Variants in NEURL1B observed in about 807,000 individuals in gnomAD.
NEURL1B encodes neuralized E3 ubiquitin protein ligase 1B.
NEURL1B carries 13 observed loss-of-function variants against 37.4 expected under a neutral mutation model. The observed-to-expected ratio is 0.35, with a 90% CI of 0.23 to 0.55. The LOEUF is 0.55. Among genes scored for constraint, NEURL1B ranks in the 20% least tolerant of loss-of-function variants. The probability of loss-of-function intolerance (pLI) is 0.89; values close to 1 mark genes in which losing one functional copy is unlikely to be tolerated. For missense variants in NEURL1B, 790 were observed against 879.2 expected (o/e 0.90, Z 1.28); for synonymous variants, 432 against 426.6 (o/e 1.01, Z -0.16).
chr5:172,646,775 C>T (rs972017936), intron 1 of NEURL1B, among the ~76,000 whole-genome samples: 3 of 151,600 alleles, frequency 2.0e-5, no homozygotes, highest in Admixed American at 6.6e-5. Context: ...TAGCTGAGCC[C>T]GTAAAGAAGA....
intron 2 of NEURL1B, among the ~76,000 whole-genome samples, chr5:172,680,421 G>GC (rs989291796): frequency 2.6e-5 from 4 of 152,086 alleles, no homozygotes; most frequent in South Asian, 2.1e-4. Flanking sequence ...AGAGTTGGCG[G>GC]GGGGGAAGGA....
intron 1 of NEURL1B, among the ~76,000 whole-genome samples, chr5:172,667,888 C>T (rs1322571311): frequency 7.9e-6 from 1 of 125,818 alleles, no homozygotes; most frequent in East Asian, 2.6e-4. Context: ...CCGCTTCCCT[C>T]CTTGCTCCCA....
In NEURL1B at chr5:172,669,766, T is replaced by C; in HGVS notation, c.32-19T>C. On this transcript the variant is annotated intron_variant, in intron 1 of 4. Transcript: ENST00000369800. ...GAGTTCGGAGGAGGCCTAACCGTGC[T>C]GCCTGTGTCTTTCCGCAGACCCGAG... 4 of 1,248,686 alleles carry C rather than the reference T, an allele frequency of 3.2e-6. No individual in the cohort carries two copies. The highest frequency in any genetic ancestry group is 4.1e-6 in the Non-Finnish European group (4 of 987,188). 77.4% of individuals were successfully genotyped at this position (1,248,686 alleles called of 1,614,324 possible). A position where few individuals can be genotyped will look rare whatever the true frequency, so the allele number is the denominator to read the frequency against.
At position 172,670,191 on chromosome 5, in the gene NEURL1B, C is replaced by T; in HGVS notation, c.438C>T (p.Tyr146=). 2 of 1,468,246 alleles carry T rather than the reference C, an allele frequency of 1.4e-6. No homozygotes were observed. Among genetic ancestry groups the T allele is most frequent in the Non-Finnish European group, 1.8e-6 (2 of 1,113,590 alleles). 91.0% of individuals were successfully genotyped at this position (1,468,246 alleles called of 1,614,324 possible). A position where few individuals can be genotyped will look rare whatever the true frequency, so the allele number is the denominator to read the frequency against. The change falls in exon 2 of 5, where the codon TAC becomes TAT. Residue 146 remains tyrosine, a synonymous_variant. Coordinates refer to ENST00000369800, the MANE Select transcript of NEURL1B (RefSeq NM_001142651.3). ...NLALRDTVLA[Y]WADRHGRVFY... Reference sequence around the variant, plus strand: ...CGCTGCGCGACACGGTGCTGGCCTACTGGGCCGACCGCCACGGCCGCGTGT... The same window carrying T: ...CGCTGCGCGACACGGTGCTGGCCTATTGGGCCGACCGCCACGGCCGCGTGT...
At chr5:172,656,949 G>A (rs1438511210) in intron 1 of NEURL1B, among the ~76,000 whole-genome samples, 1 of 152,158 alleles carries the variant, frequency 6.6e-6, no homozygotes, top group East Asian at 1.9e-4. Flanking sequence ...TCTGTTAAGT[G>A]GCCATTACCT....
chr5:172,658,086 TG>T (rs536166063), intron 1 of NEURL1B, among the ~76,000 whole-genome samples: 443 of 152,286 alleles, frequency 2.9e-3, no homozygotes, highest in African/African-American at 9.8e-3. Context: ...CTCCTTACCC[TG>T]CCCCCTTGTC....
intron 2 of NEURL1B, among the ~76,000 whole-genome samples, chr5:172,672,765 T>A (rs1758154719): frequency 1.3e-5 from 2 of 152,142 alleles, no homozygotes; most frequent in Non-Finnish European, 2.9e-5. Flanking sequence ...CTTTTTTTTT[T>A]AATCTGCCTC....
At chr5:172,645,599 C>G (rs1311304167) in intron 1 of NEURL1B, among the ~76,000 whole-genome samples, 1 of 152,206 alleles carries the variant, frequency 6.6e-6, no homozygotes, top group Admixed American at 6.5e-5. Flanking sequence ...TGCCTCTTCT[C>G]TTTCTACCTC....
At chr5:172,662,946 G>A (rs1191971261) in intron 1 of NEURL1B, among the ~76,000 whole-genome samples, 1 of 150,704 alleles carries the variant, frequency 6.6e-6, no homozygotes, top group Non-Finnish European at 1.5e-5. Flanking sequence ...TGGGGGTTAG[G>A]CTGGGCATGG....
chr5:172,686,753 A>C lies in NEURL1B; in HGVS notation c.1496A>C (p.Lys499Thr), dbSNP rs1202051667. Residue 499 changes from lysine to threonine, a missense_variant, in exon 5 of 5, where the codon AAG becomes ACG. By Grantham distance (78) the Lys-to-Thr change is moderately conservative. Transcript: ENST00000369800. The surrounding 1 kb of genome is among the most constrained non-coding windows in gnomAD (Gnocchi z 7.9). ...VFSPPEPAGI[K>T]NGECTVCFDG... ...TCCCCACCGGAGCCGGCAGGCATCA[A>C]GAATGGCGAGTGCACGGTGTGCTTC... is the stretch of plus-strand genomic sequence containing the variant. 1 of 1,551,528 alleles carries C rather than the reference A, an allele frequency of 6.4e-7. No homozygotes were observed. Among genetic ancestry groups the C allele is most frequent in the Non-Finnish European group, 8.7e-7 (1 of 1,147,100 alleles).
intron 2 of NEURL1B, among the ~76,000 whole-genome samples, chr5:172,672,538 T>TTC (rs1554098429): frequency 1.5e-5 from 1 of 65,480 alleles, no homozygotes; most frequent in African/African-American, 1.0e-4. Context: ...TGAGGTGAAC[T>TTC]CTCCCCCCCC....
intron 1 of NEURL1B, among the ~76,000 whole-genome samples, chr5:172,645,870 C>T (rs1480782851): frequency 6.6e-6 from 1 of 152,154 alleles, no homozygotes; most frequent in Non-Finnish European, 1.5e-5. Flanking sequence ...AAAGTCAGCA[C>T]CCAACACTCC....
At chr5:172,668,127 G>A (rs1238815300) in intron 1 of NEURL1B, among the ~76,000 whole-genome samples, 2 of 152,022 alleles carry the variant, frequency 1.3e-5, no homozygotes, top group African/African-American at 4.8e-5. Flanking sequence ...ACTCTGTAAT[G>A]TTTCCCTCCA....
Position 172,670,075 on chromosome 5 carries a change from C to T in NEURL1B, c.322C>T (p.Leu108Phe), listed in dbSNP as rs1446492043. The part of the protein sequence containing the change: ...RFGFTAHDPS[L>F]MSAQDIPKYA... The stretch of plus-strand genomic sequence containing the variant: ...CGGCTTCACCGCGCACGATCCGTCG[C>T]TCATGAGCGCCCAGGACATCCCCAA... Residue 108 changes from leucine (L) to phenylalanine (F), a missense_variant, in exon 2 of 5, where the codon CTC becomes TTC. Transcript: ENST00000369800. The T allele has an allele frequency of 2.6e-6, 4 of 1,524,642 alleles. No homozygotes were observed. Among genetic ancestry groups the T allele is most frequent in the Non-Finnish European group, 3.5e-6 (4 of 1,141,796 alleles). The allele number at this position is 1,524,642 out of a possible 1,614,324, so 94.4% of individuals were successfully genotyped here. A position where few individuals can be genotyped will look rare whatever the true frequency, so the allele number is the denominator to read the frequency against.
chr5:172,675,682 C>T lies in NEURL1B; in HGVS notation c.577+5352C>T, dbSNP rs924899443. Among the ~76,000 whole-genome samples the T allele has an allele frequency of 2.6e-5, 4 of 152,048 alleles. No homozygotes were observed. The highest frequency in any genetic ancestry group is 1.3e-4 in the Admixed American group (2 of 15,274). ...TTATCACAGGTGGAATATCCCTTGT[C>T]GGAAATGCTTATGACCAGAAGCATT... On this transcript the variant is annotated intron_variant, in intron 2 of 4. Coordinates refer to ENST00000369800, the MANE Select transcript of NEURL1B (RefSeq NM_001142651.3). This position sits in a 1 kb window ranked among gnomAD's most constrained non-coding sequence, Gnocchi z 4.7.
chr5:172,655,020 C>CCT (rs2113273166), intron 1 of NEURL1B, among the ~76,000 whole-genome samples: 1 of 151,966 alleles, frequency 6.6e-6, no homozygotes, highest in East Asian at 1.9e-4. Context: ...CTTTTTCTCT[C>CCT]CTCTCTCTCT....
chr5:172,683,893 G>C lies in NEURL1B; in HGVS notation c.1052G>C (p.Arg351Pro), dbSNP rs1304772011. ...GITSCDPGVL[R>P]PNELPADPDA... Reference sequence around the variant, plus strand: ...ACGTCGTGCGACCCGGGCGTGCTACGGCCCAACGAGCTGCCCGCCGACCCA... The same window carrying C: ...ACGTCGTGCGACCCGGGCGTGCTACCGCCCAACGAGCTGCCCGCCGACCCA... The change falls in exon 3 of 5, where the codon CGG becomes CCG. Residue 351 changes from arginine to proline, a missense_variant. This residue lies in a region of NEURL1B where 460 missense variants were observed against 407.4 expected (regional missense o/e 1.13). Transcript: ENST00000369800. The surrounding 1 kb of genome is among the most constrained non-coding windows in gnomAD (Gnocchi z 5.6). 3.5e-5 allele frequency: 50 copies of C among 1,413,024 alleles called. No individual in the cohort carries two copies. The Admixed American group carries it at 1.2e-3, about 34-fold the overall frequency. The allele number at this position is 1,413,024 out of a possible 1,614,324, so 87.5% of individuals were successfully genotyped here.
In NEURL1B at chr5:172,657,229, G is replaced by T. The variant is rs1371576231; in HGVS notation, c.32-12556G>T. ...GCCTAATGTCCCTATATGTGAAATG[G>T]GCTCACAGGGCTATAGAGAGGACCA... On this transcript the variant is annotated intron_variant, in intron 1 of 4. Coordinates refer to ENST00000369800, the MANE Select transcript of NEURL1B (RefSeq NM_001142651.3). This position sits in a 1 kb window ranked among gnomAD's most constrained non-coding sequence, Gnocchi z 4.0. Among the ~76,000 whole-genome samples, 1 of 152,084 alleles carries T rather than the reference G, an allele frequency of 6.6e-6. No individual in the cohort carries two copies. Among genetic ancestry groups the T allele is most frequent in the Admixed American group, 6.6e-5 (1 of 15,264 alleles).
In NEURL1B at chr5:172,641,298, A is replaced by T; in HGVS notation, c.-109A>T. 9.9e-7 allele frequency: 1 copy of T among 1,006,518 alleles called. No homozygotes were observed. The highest frequency in any genetic ancestry group is 4.8e-5 in the South Asian group (1 of 20,946). The allele number at this position is 1,006,518 out of a possible 1,614,324, so 62.3% of individuals were successfully genotyped here. On this transcript the variant is annotated 5_prime_UTR_variant, in exon 1 of 5. Coordinates refer to ENST00000369800, the MANE Select transcript of NEURL1B (RefSeq NM_001142651.3). The surrounding 1 kb of genome is among the most constrained non-coding windows in gnomAD (Gnocchi z 6.4). ...CTGCCGCCCGCCGGCTCGCCCGTGC[A>T]GCTGCGATGCCCCGGAGCGTCGACC...
Sources: gnomAD v4.1 joint callset for allele counts (sites outside exome capture counted in the v4.1 genomes callset) on GRCh38, gnomAD v4.1.1 for gene constraint, gnomAD v4.1.1 regional missense constraint, Gnocchi (gnomAD v3.1) non-coding constraint, MANE v1.5 for transcripts, NCBI Gene and HGNC (gene_info 2026-07-23, HGNC 2026-07-21) for gene names.